The following INSL6 variants were observed in gnomAD, a reference collection of about 807,000 sequenced individuals.
INSL6 encodes insulin like 6.
Under a neutral mutation model 9.4 loss-of-function variants are expected in INSL6, and 16 were observed. That is an observed-to-expected ratio of 1.70 (90% CI 1.15 to 2.59). The LOEUF (loss-of-function observed/expected upper bound fraction) is 2.59, where lower values mean the gene tolerates loss of function less well. Ranked by LOEUF, INSL6 falls within the 30% of genes most tolerant of loss-of-function variation. The pLI is 0.00. For missense variants in INSL6, 391 were observed against 257.3 expected, an observed-to-expected ratio of 1.52 and a Z score of -3.56; for synonymous variants, 154 against 96.9, an observed-to-expected ratio of 1.59 and a Z score of -3.46.
chr9:5,174,698 CA>C lies in INSL6; in HGVS notation c.290-10434del, dbSNP rs1673349040. ...CGACTTCTGAACTTCTATCTGCAAA[CA>C]AGATGACTCTTTCAAACTCCAGATT... On this transcript the variant is annotated intron_variant, in intron 1 of 1. Coordinates refer to ENST00000381641, the MANE Select transcript of INSL6 (RefSeq NM_007179.3). 2.6e-5 allele frequency among the ~76,000 whole-genome samples: 4 copies of C among 152,176 alleles called. No homozygotes were observed. In the South Asian group the frequency reaches 8.3e-4, roughly 32 times the overall value.
At chr9:5,015,614 C>A in the INSL6 span, among the ~76,000 whole-genome samples, 2 of 151,176 alleles carry the variant, frequency 1.3e-5, no homozygotes, top group African/African-American at 2.4e-5. Flanking sequence ...AATCACTGCT[C>A]ACTGCGGCCT....
intron 1 of INSL6, among the ~76,000 whole-genome samples, chr9:5,166,976 T>A (rs548403825): frequency 6.6e-6 from 1 of 152,082 alleles, no homozygotes; most frequent in Non-Finnish European, 1.5e-5. Flanking sequence ...GATGGCTGAA[T>A]AGAAACACCT....
chr9:4,997,031 T>A, the INSL6 span, among the ~76,000 whole-genome samples: 2 of 150,250 alleles, frequency 1.3e-5, no homozygotes, highest in African/African-American at 4.9e-5. Flanking sequence ...TGGGGTCCAG[T>A]GATCCTCCTA....
chr9:5,105,334 G>T, the INSL6 span, among the ~76,000 whole-genome samples: 1 of 152,122 alleles, frequency 6.6e-6, no homozygotes, highest in African/African-American at 2.4e-5. Context: ...AAATACCTGG[G>T]AATCCAACTT....
chr9:5,114,036 C>G, the INSL6 span: 1 of 319,662 alleles, frequency 3.1e-6, no homozygotes, highest in South Asian at 3.1e-5. Flanking sequence ...CTCTCCCATA[C>G]TGGAGGATGA....
chr9:5,112,360 G>A, the INSL6 span: 1 of 384,312 alleles, frequency 2.6e-6, no homozygotes, highest in Non-Finnish European at 4.9e-6. Context: ...CCTGCAGTGG[G>A]CTAGGGCGAG....
At chr9:5,060,131 A>T in the INSL6 span, among the ~76,000 whole-genome samples, 2 of 152,214 alleles carry the variant, frequency 1.3e-5, no homozygotes, top group African/African-American at 4.8e-5. Context: ...TGTCTTAAAA[A>T]TTAATTTAAA....
At chr9:5,018,349 A>G in the INSL6 span, among the ~76,000 whole-genome samples, 1 of 151,796 alleles carries the variant, frequency 6.6e-6, no homozygotes, top group East Asian at 1.9e-4. Context: ...TTCTTTTTTG[A>G]GACAGGGTTT....
the INSL6 span, chr9:5,069,795 A>C: frequency 4.4e-6 from 2 of 453,378 alleles, no homozygotes; most frequent in Non-Finnish European, 7.4e-6. Flanking sequence ...ATTTTCTATT[A>C]TAAAAAAAGA....
In INSL6 at chr9:5,185,448, T is replaced by C. The variant is rs766180898; in HGVS notation, c.155A>G (p.Gln52Arg). The C allele has an allele frequency of 2.5e-6, 4 of 1,614,184 alleles. No homozygotes were observed. The highest frequency in any genetic ancestry group is 1.1e-5 in the South Asian group (1 of 91,074). ...AGGGGTTTCCTCCTCGAAACGGAAC[T>C]GGCTCCAGTTGGCATGGCCGCAGAG... The part of the protein sequence containing the change: ...EKLCGHANWS[Q>R]FRFEEETPFS... The change falls in exon 1 of 2, where the codon CAG becomes CGG. Residue 52 changes from glutamine to arginine, a missense_variant. By Grantham distance (43) the Gln-to-Arg change is conservative (BLOSUM62 1). Transcript: ENST00000381641.
chr9:5,093,286 C>G, the INSL6 span, among the ~76,000 whole-genome samples: 1 of 152,130 alleles, frequency 6.6e-6, no homozygotes, highest in African/African-American at 2.4e-5. Context: ...CACCTGTTTA[C>G]CAAAAACATC....
chr9:5,104,260 C>CTA, the INSL6 span, among the ~76,000 whole-genome samples: 1 of 152,140 alleles, frequency 6.6e-6, no homozygotes, highest in Non-Finnish European at 1.5e-5. Flanking sequence ...GAAATACAAA[C>CTA]TACCATCAGA....
intron 2 of INSL6, among the ~76,000 whole-genome samples, chr9:5,146,304 G>C (rs912656852): frequency 1.3e-5 from 2 of 152,130 alleles, no homozygotes; most frequent in African/African-American, 4.8e-5. Flanking sequence ...TCAATGTTTG[G>C]AGTCTACTGT....
chr9:5,112,664 C>A, the INSL6 span: 1 of 957,924 alleles, frequency 1.0e-6, no homozygotes, highest in East Asian at 2.9e-5. Context: ...CCTTATCCTG[C>A]ACCAGGCCGT....
the INSL6 span, among the ~76,000 whole-genome samples, chr9:5,042,856 C>T: frequency 2.6e-5 from 4 of 152,190 alleles, no homozygotes; most frequent in African/African-American, 7.2e-5. Flanking sequence ...CACCAAAGCT[C>T]GGTCGCCACA....
At chr9:5,016,061 T>C in the INSL6 span, among the ~76,000 whole-genome samples, 151 of 152,300 alleles carry the variant, frequency 9.9e-4, 3 homozygotes, top group African/African-American at 3.4e-3. Context: ...CATGGATGAC[T>C]AGAGGCAGGT....
chr9:5,052,371 G>C, the INSL6 span, among the ~76,000 whole-genome samples: 1 of 151,824 alleles, frequency 6.6e-6, no homozygotes, highest in African/African-American at 2.4e-5. Flanking sequence ...CATGCTCTTA[G>C]CCAGGATATA....
chr9:5,123,607 A>G (rs1823776173), downstream of INSL6, among the ~76,000 whole-genome samples: 1 of 152,034 alleles, frequency 6.6e-6, no homozygotes, highest in Admixed American at 6.6e-5. Context: ...TGCTGCAATA[A>G]ACATACAGGT....
chr9:5,081,292 C>CAA, the INSL6 span, among the ~76,000 whole-genome samples: 2 of 150,904 alleles, frequency 1.3e-5, no homozygotes, highest in Non-Finnish European at 3.0e-5. Context: ...TTTTAAAAAA[C>CAA]AATTCTCTTT....
Sources: gnomAD v4.1 joint callset for allele counts (sites outside exome capture counted in the v4.1 genomes callset) on GRCh38, gnomAD v4.1.1 for gene constraint, MANE v1.5 for transcripts, NCBI Gene and HGNC (gene_info 2026-07-23, HGNC 2026-07-21) for gene names.